CLCN3: variants seen among roughly 807,000 people sequenced by gnomAD.
CLCN3 encodes H(+)/Cl(-) exchange transporter 3.
A neutral mutation model predicts 83.4 loss-of-function variants in CLCN3; 16 were observed. The observed-to-expected ratio is 0.19, with a 90% CI of 0.13 to 0.29. The LOEUF (loss-of-function observed/expected upper bound fraction) is 0.29. Among genes scored for constraint, CLCN3 ranks in the 10% least tolerant of loss-of-function variants. CLCN3 has a pLI of 1.00. For synonymous variants in CLCN3, 322 were observed against 346.2 expected (o/e 0.93, Z 0.78); for missense variants, 544 against 1,006.0 (o/e 0.54, Z 6.21).
chr4:169,675,411 G>A (rs1312322190), intron 2 of CLCN3, among the ~76,000 whole-genome samples: 4 of 152,144 alleles, frequency 2.6e-5, no homozygotes, highest in Admixed American at 6.5e-5. Flanking sequence ...GAATGAGTTT[G>A]TTTAAACTAG....
chr4:169,657,929 T>C (rs1400253140), intron 2 of CLCN3, among the ~76,000 whole-genome samples: 1 of 152,166 alleles, frequency 6.6e-6, no homozygotes, highest in Non-Finnish European at 1.5e-5. Flanking sequence ...AGTCCTCTTT[T>C]GCCACATCTT....
chr4:169,708,245 T>C (rs1458842169), intron 11 of CLCN3, among the ~76,000 whole-genome samples: 1 of 152,090 alleles, frequency 6.6e-6, no homozygotes, highest in Non-Finnish European at 1.5e-5. Flanking sequence ...AGACAGTGTA[T>C]GTGGGGGAGT....
chr4:169,717,968 C>A, intron 12 of CLCN3: 2 of 670,512 alleles, frequency 3.0e-6, no homozygotes, highest in South Asian at 2.1e-5. Flanking sequence ...ATCTGCTGAA[C>A]AAAAATATCC....
chr4:169,629,675 G>A (rs1186510298), intron 1 of CLCN3, among the ~76,000 whole-genome samples: 1 of 152,166 alleles, frequency 6.6e-6, no homozygotes, highest in Non-Finnish European at 1.5e-5. Flanking sequence ...CTGGTCTAAT[G>A]TGACATATTT....
chr4:169,698,409 CTCTT>C (rs1243392347), intron 9 of CLCN3, among the ~76,000 whole-genome samples: 7 of 152,116 alleles, frequency 4.6e-5, no homozygotes, highest in Admixed American at 2.6e-4. Context: ...CTGTCTCTCT[CTCTT>C]TCTCTCGCTT....
At chr4:169,635,809 A>C (rs774723149) in intron 1 of CLCN3, 104 bp from the exon 2 acceptor site, 16 of 885,426 alleles carry the variant, frequency 1.8e-5, no homozygotes, top group Non-Finnish European at 2.4e-5. Flanking sequence ...AATACGCTTA[A>C]TTTTTTTTAG....
chr4:169,648,008 A>G (rs1391690354), intron 2 of CLCN3, among the ~76,000 whole-genome samples: 1 of 152,246 alleles, frequency 6.6e-6, no homozygotes, highest in African/African-American at 2.4e-5. Context: ...TCATAAGAAA[A>G]GCAACTGATG....
At chr4:169,628,339 T>C (rs1773286143) in intron 1 of CLCN3, among the ~76,000 whole-genome samples, 1 of 152,210 alleles carries the variant, frequency 6.6e-6, no homozygotes, top group South Asian at 2.1e-4. Flanking sequence ...ATTTTTGCTC[T>C]GTTATAGACC....
chr4:169,650,341 T>C (rs1375729311), intron 2 of CLCN3, among the ~76,000 whole-genome samples: 2 of 152,154 alleles, frequency 1.3e-5, no homozygotes, highest in Non-Finnish European at 2.9e-5. Context: ...AAAGTATTCT[T>C]AGTTAGAAGA....
At chr4:169,621,196 T>C (rs1037462483) in intron 1 of CLCN3, 133 bp downstream of exon 1, 9 of 320,290 alleles carry the variant, frequency 2.8e-5, no homozygotes, top group Admixed American at 4.9e-5. Context: ...ACATCGTGAA[T>C]TGGGATGCTA....
At chr4:169,717,911 C>A in intron 12 of CLCN3, 1 of 1,342,870 alleles carries the variant, frequency 7.4e-7, no homozygotes, top group South Asian at 1.2e-5. Context: ...CCTTAGAAGT[C>A]AGGAAGCATG....
chr4:169,679,065 C>T (rs1214437489), intron 2 of CLCN3, among the ~76,000 whole-genome samples: 1 of 151,522 alleles, frequency 6.6e-6, no homozygotes, highest in Non-Finnish European at 1.5e-5. Flanking sequence ...GACTGGGTGG[C>T]CGGGCGGAGA....
Position 169,626,152 on chromosome 4 carries a change from T to A in CLCN3, c.-17+5089T>A, listed in dbSNP as rs190121286. On this transcript the variant is annotated intron_variant, in intron 1 of 12. Transcript: ENST00000513761. ...CACTCCTTACGTCCTTGGGTTCAAT[T>A]AATGTGCTAGAGCAGCTCACAGAAC... Among the ~76,000 whole-genome samples the A allele has an allele frequency of 8.5e-5, 13 of 152,330 alleles. No homozygotes were observed. In the East Asian group the frequency reaches 2.3e-3, roughly 27 times the overall value.
chr4:169,677,847 A>G (rs1731740425), intron 2 of CLCN3, among the ~76,000 whole-genome samples: 1 of 152,178 alleles, frequency 6.6e-6, no homozygotes. Flanking sequence ...ATTTCTTTTT[A>G]TGTGTTAGCT....
chr4:169,659,757 T>C (rs962465814), intron 2 of CLCN3, among the ~76,000 whole-genome samples: 2 of 152,080 alleles, frequency 1.3e-5, no homozygotes, highest in African/African-American at 4.8e-5. Context: ...AGAACCAAGT[T>C]TCTTGAGAAA....
At chr4:169,688,271 T>C (rs946058442) in intron 4 of CLCN3, among the ~76,000 whole-genome samples, 5 of 152,218 alleles carry the variant, frequency 3.3e-5, no homozygotes, top group African/African-American at 1.2e-4. Flanking sequence ...TAAAGCCTTC[T>C]AGCTCAAGAC....
chr4:169,680,027 A>T, intron 2 of CLCN3, 23 bp from the exon 3 acceptor site: 1 of 1,591,420 alleles, frequency 6.3e-7, no homozygotes, highest in Non-Finnish European at 8.6e-7. Flanking sequence ...AAACATACTC[A>T]TCTTTCCTTT....
At chr4:169,630,573 C>T (rs745715927) in intron 1 of CLCN3, among the ~76,000 whole-genome samples, 1 of 152,018 alleles carries the variant, frequency 6.6e-6, no homozygotes, top group Non-Finnish European at 1.5e-5. Context: ...TTCTGTCGCC[C>T]AGGCTGGAGT....
intron 2 of CLCN3, among the ~76,000 whole-genome samples, chr4:169,647,052 C>T (rs968751439): frequency 6.6e-6 from 1 of 152,154 alleles, no homozygotes; most frequent in Non-Finnish European, 1.5e-5. Flanking sequence ...AGACTACCTA[C>T]ATCATGACAT....
Sources: allele counts gnomAD v4.1 joint callset (sites outside exome capture counted in the v4.1 genomes callset), GRCh38; gene constraint gnomAD v4.1.1; transcripts MANE v1.5; gene names NCBI Gene and HGNC (gene_info 2026-07-23, HGNC 2026-07-21).